PPM1H: variants seen among roughly 807,000 people sequenced by gnomAD.
PPM1H encodes the protein protein phosphatase, Mg2+/Mn2+ dependent 1H.
PPM1H carries 27 observed loss-of-function variants against 54.9 expected under a neutral mutation model. The observed-to-expected ratio is 0.49, with a 90% CI of 0.36 to 0.68. The LOEUF is 0.68. Ranked by LOEUF, PPM1H falls within the 30% of genes least tolerant of loss-of-function variation. The probability of loss-of-function intolerance (pLI) is 0.00; values close to 1 mark genes in which losing one functional copy is unlikely to be tolerated. For synonymous variants in PPM1H, 305 were observed against 270.8 expected (o/e 1.13, Z -1.24); for missense variants, 596 against 667.8 (o/e 0.89, Z 1.19).
intron 9 of PPM1H, among the ~76,000 whole-genome samples, chr12:62,658,594 G>A (rs1032988903): frequency 6.6e-6 from 1 of 152,042 alleles, no homozygotes; most frequent in African/African-American, 2.4e-5. Context: ...GATCTTTAGG[G>A]CTTAAAAGAG....
At chr12:62,815,197 G>C (rs543923916) in intron 2 of PPM1H, among the ~76,000 whole-genome samples, 1 of 134,840 alleles carries the variant, frequency 7.4e-6, no homozygotes, top group Non-Finnish European at 1.6e-5. Context: ...CTTTTTTTTT[G>C]ACTAAATTGT....
intron 1 of PPM1H, among the ~76,000 whole-genome samples, chr12:62,850,515 C>T (rs1869140910): frequency 6.6e-6 from 1 of 151,266 alleles, no homozygotes; most frequent in Non-Finnish European, 1.5e-5. Flanking sequence ...GACTTTTAAA[C>T]AACTATAGGA....
chr12:62,923,684 G>A (rs1258586086), intron 1 of PPM1H, among the ~76,000 whole-genome samples: 4 of 152,228 alleles, frequency 2.6e-5, no homozygotes, highest in Non-Finnish European at 4.4e-5. Context: ...TTACTGGCAT[G>A]AGCCACTGAG....
At chr12:62,658,778 GAAAAGAAA>G (rs1231567876) in intron 9 of PPM1H, 15 of 433,708 alleles carry the variant, frequency 3.5e-5, no homozygotes, top group Non-Finnish European at 6.5e-5. Context: ...AACTGTGATA[GAAAAGAAA>G]GAAAGAAAGA....
In PPM1H at chr12:62,801,894, G is replaced by A. The variant is rs375621486; in HGVS notation, c.678C>T (p.Pro226=). The A allele has an allele frequency of 7.4e-6, 12 of 1,613,666 alleles. No individual in the cohort carries two copies. Among genetic ancestry groups the A allele is most frequent in the South Asian group, 1.1e-5 (1 of 91,080 alleles). ...TCTTCTTCTCGGTAAAGAAGCGTGT[G>A]GGGGGCGTGCTGGGGGAGCCCGGGG... is the stretch of plus-strand genomic sequence containing the variant. ...VGAPGSPSTP[P]TRFFTEKKIP... is the part of the protein sequence containing the mutation. The change falls in exon 3 of 10, where the codon CCC becomes CCT. Residue 226 remains proline, a synonymous_variant. Coordinates refer to ENST00000228705, the MANE Select transcript of PPM1H (RefSeq NM_020700.2).
chr12:62,713,578 C>A (rs1333993470), intron 6 of PPM1H, among the ~76,000 whole-genome samples: 2 of 152,138 alleles, frequency 1.3e-5, no homozygotes, highest in Non-Finnish European at 2.9e-5. Flanking sequence ...GAAGCCCACC[C>A]CTCTGCTGAC....
chr12:62,892,923 A>G (rs959546399), intron 1 of PPM1H, among the ~76,000 whole-genome samples: 1 of 152,218 alleles, frequency 6.6e-6, no homozygotes, highest in East Asian at 1.9e-4. Context: ...CATTCCTCCC[A>G]TCAAGAAACA....
intron 4 of PPM1H, among the ~76,000 whole-genome samples, chr12:62,750,994 A>G (rs902075116): frequency 1.3e-5 from 2 of 152,248 alleles, no homozygotes; most frequent in Non-Finnish European, 2.9e-5. Context: ...GTATACAACC[A>G]TTTGTTAAGT....
intron 1 of PPM1H, among the ~76,000 whole-genome samples, chr12:62,869,661 A>G (rs562786339): frequency 6.6e-6 from 1 of 152,318 alleles, no homozygotes; most frequent in South Asian, 2.1e-4. Context: ...CTCCCGCTCA[A>G]AGTCCTTGCA....
intron 1 of PPM1H, among the ~76,000 whole-genome samples, chr12:62,921,073 TGCTACCACACCCA>T (rs1422769226): frequency 5.3e-5 from 8 of 152,034 alleles, no homozygotes; most frequent in Non-Finnish European, 1.0e-4. Context: ...TACAGGCACC[TGCTACCACACCCA>T]GCTAGTTTTT....
intron 9 of PPM1H, among the ~76,000 whole-genome samples, chr12:62,652,947 C>A (rs1317227459): frequency 1.3e-5 from 2 of 152,068 alleles, no homozygotes; most frequent in East Asian, 3.8e-4. Flanking sequence ...CTCACCTAGT[C>A]TTTGGATTAA....
At chr12:62,705,965 C>G (rs537501147) in intron 6 of PPM1H, among the ~76,000 whole-genome samples, 1 of 152,312 alleles carries the variant, frequency 6.6e-6, no homozygotes, top group Non-Finnish European at 1.5e-5. Context: ...TCTGTGTCGG[C>G]CCTTGCGGCT....
chr12:62,903,126 C>A (rs1160973552), intron 1 of PPM1H, among the ~76,000 whole-genome samples: 1 of 152,112 alleles, frequency 6.6e-6, no homozygotes, highest in Non-Finnish European at 1.5e-5. Context: ...AATACACTGG[C>A]AAGAGTCCAG....
intron 4 of PPM1H, among the ~76,000 whole-genome samples, chr12:62,749,225 G>A (rs547741709): frequency 3.5e-4 from 54 of 152,194 alleles, no homozygotes; most frequent in Non-Finnish European, 6.3e-4. Context: ...CTCTGACACT[G>A]TTAAGAGTAT....
intron 9 of PPM1H, among the ~76,000 whole-genome samples, chr12:62,653,440 C>T (rs1342951840): frequency 2.0e-5 from 3 of 152,194 alleles, no homozygotes; most frequent in Non-Finnish European, 4.4e-5. Context: ...GTTTCAATGA[C>T]AGTGTTTCAC....
chr12:62,805,198 C>G (rs1439162184), intron 2 of PPM1H, among the ~76,000 whole-genome samples: 2 of 151,694 alleles, frequency 1.3e-5, no homozygotes, highest in Non-Finnish European at 2.9e-5. Flanking sequence ...TCGCTATTAT[C>G]AAAAAAACGA....
intron 1 of PPM1H, among the ~76,000 whole-genome samples, chr12:62,931,189 A>G (rs943311889): frequency 1.3e-5 from 2 of 152,228 alleles, no homozygotes; most frequent in Non-Finnish European, 2.9e-5. Flanking sequence ...CCTCCCAAGG[A>G]AGGCTTGGAA....
intron 1 of PPM1H, among the ~76,000 whole-genome samples, chr12:62,908,046 A>C (rs1436096866): frequency 1.3e-5 from 2 of 152,226 alleles, no homozygotes. Flanking sequence ...AAAAGTATTG[A>C]CGATGAGTAC....
intron 6 of PPM1H, among the ~76,000 whole-genome samples, chr12:62,703,340 A>ATAGC (rs2120388173): frequency 6.6e-6 from 1 of 151,564 alleles, no homozygotes; most frequent in African/African-American, 2.4e-5. Flanking sequence ...TAAAGAAGGT[A>ATAGC]TAGCTGGGTT....
Sources: allele counts gnomAD v4.1 joint callset (sites outside exome capture counted in the v4.1 genomes callset), GRCh38; gene constraint gnomAD v4.1.1; transcripts MANE v1.5; gene names NCBI Gene and HGNC (gene_info 2026-07-23, HGNC 2026-07-21).